AP1S3: variants seen among roughly 807,000 people sequenced by gnomAD.
The protein encoded by AP1S3 is adaptor related protein complex 1 subunit sigma 3, also known as AP-1 complex subunit sigma-3.
AP1S3 carries 10 observed loss-of-function variants against 20.9 expected under a neutral mutation model. That is an observed-to-expected ratio of 0.48 (90% CI 0.29 to 0.81). The LOEUF is 0.81. Among genes scored for constraint, AP1S3 ranks in the 30% least tolerant of loss-of-function variants. The probability of loss-of-function intolerance (pLI) is 0.08; values close to 1 mark genes in which losing one functional copy is unlikely to be tolerated. For missense variants in AP1S3, 154 were observed against 183.8 expected, an observed-to-expected ratio of 0.84 and a Z score of 0.94; for synonymous variants, 41 against 61.5, an observed-to-expected ratio of 0.67 and a Z score of 1.56.
At chr2:223,809,032 G>A (rs1691650388) in intron 1 of AP1S3, among the ~76,000 whole-genome samples, 1 of 152,198 alleles carries the variant, frequency 6.6e-6, no homozygotes, top group African/African-American at 2.4e-5. Flanking sequence ...GGGGAAGTTT[G>A]AGGAGACCGC....
At chr2:223,759,971 CA>C (rs1362588152) in intron 4 of AP1S3, among the ~76,000 whole-genome samples, 1 of 152,116 alleles carries the variant, frequency 6.6e-6, no homozygotes, top group Non-Finnish European at 1.5e-5. Flanking sequence ...TACTGTCCAT[CA>C]GTTACTAAGT....
At chr2:223,801,923 ACATTT>A (rs1032433675) in intron 1 of AP1S3, among the ~76,000 whole-genome samples, 2 of 152,260 alleles carry the variant, frequency 1.3e-5, no homozygotes, top group Admixed American at 1.3e-4. Flanking sequence ...CACTAGTATT[ACATTT>A]ATCACAGAAG....
rs546380230 is a variant in AP1S3 at position 223,828,159 on chromosome 2, G to A, written c.3+9289C>T. Among the ~76,000 whole-genome samples, 5 of 150,938 alleles carry A rather than the reference G, an allele frequency of 3.3e-5. 1 individual carries two copies. The highest frequency in any genetic ancestry group is 1.2e-4 in the African/African-American group (5 of 41,218). On this transcript the variant is annotated intron_variant, in intron 1 of 4. Coordinates refer to ENST00000396654, the MANE Select transcript of AP1S3 (RefSeq NM_001039569.2). ...TTATGAAATATGTTCCAGGTGCCAG[G>A]CCCTGTGCTGATTGAACCAAGCAGT...
intron 1 of AP1S3, among the ~76,000 whole-genome samples, chr2:223,810,497 C>A (rs1251555679): frequency 9.2e-5 from 14 of 152,084 alleles, no homozygotes; most frequent in African/African-American, 3.4e-4. Flanking sequence ...TTTGTAGAGA[C>A]AGGGTTTTGC....
intron 1 of AP1S3, among the ~76,000 whole-genome samples, chr2:223,817,075 A>T (rs550458846): frequency 1.6e-4 from 24 of 152,220 alleles, no homozygotes; most frequent in Non-Finnish European, 3.1e-4. Flanking sequence ...CAGTGAGCCG[A>T]GCTAGTGCCA....
intron 1 of AP1S3, among the ~76,000 whole-genome samples, chr2:223,825,084 C>A (rs1291278147): frequency 6.6e-6 from 1 of 151,386 alleles, no homozygotes; most frequent in Non-Finnish European, 1.5e-5. Context: ...CTGAGGCGGG[C>A]GGAGCACGAG....
At chr2:223,807,844 A>G (rs1299882814) in intron 1 of AP1S3, among the ~76,000 whole-genome samples, 2 of 95,866 alleles carry the variant, frequency 2.1e-5, no homozygotes, top group African/African-American at 8.1e-5. Flanking sequence ...TTTATGAATT[A>G]CCTAGTCTCA....
intron 1 of AP1S3, among the ~76,000 whole-genome samples, chr2:223,833,241 A>AATAAATAAATAC (rs112316770): frequency 7.4e-5 from 11 of 148,432 alleles, no homozygotes; most frequent in Admixed American, 2.0e-4. Flanking sequence ...TTAAAGGCAA[A>AATAAATAAATAC]ATACATACAT....
chr2:223,769,824 G>A (rs1426176953), intron 3 of AP1S3, among the ~76,000 whole-genome samples: 3 of 136,390 alleles, frequency 2.2e-5, no homozygotes, highest in Admixed American at 8.5e-5. Flanking sequence ...GCTCACTGAA[G>A]GCTCCGCCCC....
chr2:223,782,346 G>A (rs1690971121), intron 1 of AP1S3, among the ~76,000 whole-genome samples: 1 of 152,014 alleles, frequency 6.6e-6, no homozygotes. Context: ...TTTCCTTCCA[G>A]ACAAAATAAA....
At chr2:223,789,136 G>GAA (rs67363404) in intron 1 of AP1S3, among the ~76,000 whole-genome samples, 54 of 148,144 alleles carry the variant, frequency 3.6e-4, no homozygotes, top group Non-Finnish European at 4.3e-4. Context: ...GAACAAATAG[G>GAA]AAAAAAAAAA....
At position 223,780,015 on chromosome 2, in the gene AP1S3, A is replaced by T. The variant is rs1462966650; in HGVS notation, c.4-2146T>A. ...CTCTATTGAAAAGGCTGAGGCCTAA[A>T]ATGCCACGACATAAATCATTACAAC... On this transcript the variant is annotated intron_variant, in intron 1 of 4. Transcript: ENST00000396654. Among the ~76,000 whole-genome samples, 4 of 151,874 alleles carry T rather than the reference A, an allele frequency of 2.6e-5. No homozygotes were observed. In the East Asian group the frequency reaches 7.7e-4, roughly 29 times the overall value.
chr2:223,804,031 T>C (rs528708252), intron 1 of AP1S3, among the ~76,000 whole-genome samples: 3 of 152,286 alleles, frequency 2.0e-5, no homozygotes, highest in African/African-American at 7.2e-5. Flanking sequence ...TGTTGAATTA[T>C]ACAATCCACC....
chr2:223,813,638 A>C (rs1401947717), intron 1 of AP1S3, among the ~76,000 whole-genome samples: 3 of 152,224 alleles, frequency 2.0e-5, no homozygotes, highest in African/African-American at 7.2e-5. Context: ...TGGAGAACAT[A>C]GCTGAGCTAA....
intron 1 of AP1S3, among the ~76,000 whole-genome samples, chr2:223,816,340 G>GA (rs72262557): frequency 1.1e-3 from 160 of 147,760 alleles, no homozygotes; most frequent in Admixed American, 2.0e-3. Flanking sequence ...CCATGCTTCT[G>GA]AAAAAAAAAA....
rs567342846 is a variant in AP1S3 at position 223,821,536 on chromosome 2, G to T, written c.3+15912C>A. Among the ~76,000 whole-genome samples, 3 of 152,332 alleles carry T rather than the reference G, an allele frequency of 2.0e-5. No individual in the cohort carries two copies. The South Asian group carries it at 6.2e-4, about 32-fold the overall frequency. On this transcript the variant is annotated intron_variant, in intron 1 of 4. Transcript: ENST00000396654. ...AATATATGCCTAAAGCAAAATAGTA[G>T]TGCTGTGCTGCTTCTCCACTTGATC...
chr2:223,756,778 G>C lies in AP1S3; in HGVS notation c.*1937C>G, dbSNP rs1452057389. Reference sequence around the variant, plus strand: ...AATATGTCTGCTGAGATGAACTAAAGAGAACATTTTTCCATCGAGTTCTCT... The same window carrying C: ...AATATGTCTGCTGAGATGAACTAAACAGAACATTTTTCCATCGAGTTCTCT... On this transcript the variant is annotated 3_prime_UTR_variant, in exon 5 of 5. Transcript: ENST00000396654. The C allele has an allele frequency of 1.0e-6, 1 of 985,186 alleles. No individual in the cohort carries two copies. Among genetic ancestry groups the C allele is most frequent in the Non-Finnish European group, 1.2e-6 (1 of 829,922 alleles). The allele number at this position is 985,186 out of a possible 1,614,324, so 61.0% of individuals were successfully genotyped here.
At chr2:223,784,943 G>T (rs1291552655) in intron 1 of AP1S3, among the ~76,000 whole-genome samples, 1 of 152,106 alleles carries the variant, frequency 6.6e-6, no homozygotes, top group Non-Finnish European at 1.5e-5. Context: ...CTTTATATTA[G>T]CATACAAAAA....
At position 223,781,677 on chromosome 2, in the gene AP1S3, A is replaced by G. The variant is rs181094823; in HGVS notation, c.4-3808T>C. 3.3e-3 allele frequency among the ~76,000 whole-genome samples: 497 copies of G among 152,304 alleles called. 2 individuals carry two copies. The highest frequency in any genetic ancestry group is 3.1e-3 in the Non-Finnish European group (211 of 68,030). ...GTATTTTTGCTTCCAAGAAGAGATC[A>G]TAAAAGTGACTGACACTCTACGAGC... On this transcript the variant is annotated intron_variant, in intron 1 of 4. Coordinates refer to ENST00000396654, the MANE Select transcript of AP1S3 (RefSeq NM_001039569.2).
Sources: allele counts gnomAD v4.1 joint callset (sites outside exome capture counted in the v4.1 genomes callset), GRCh38; gene constraint gnomAD v4.1.1; transcripts MANE v1.5; gene names NCBI Gene and HGNC (gene_info 2026-07-23, HGNC 2026-07-21).